The following TRIM23 variants were observed in gnomAD, a reference collection of about 807,000 sequenced individuals.
TRIM23 encodes the protein E3 ubiquitin-protein ligase TRIM23.
TRIM23 carries 27 observed loss-of-function variants against 71.0 expected under a neutral mutation model. The ratio of observed to expected loss-of-function variants is 0.38; its 90% CI spans 0.28 to 0.52. TRIM23 has a LOEUF of 0.52. Ranked by LOEUF, TRIM23 falls within the 20% of genes least tolerant of loss-of-function variation. The pLI is 0.84. For synonymous variants in TRIM23, 234 were observed against 238.0 expected (o/e 0.98, Z 0.16); for missense variants, 482 against 692.3 (o/e 0.70, Z 3.41).
rs33945461 is a variant in TRIM23, at chr5:65,597,112, T to G, written c.1248A>C (p.Gly416=). 46,869 of 1,614,084 alleles carry G rather than the reference T, an allele frequency of 0.029. 1,363 individuals are homozygous for G. The highest frequency in any genetic ancestry group is 0.1 in the African/African-American group (7,641 of 75,028). ...TTAACTTAAACAAGATAGTAGTTTT[T>G]CCAGCACCATCCAATCCTAACGTAA... ...RVVTLGLDGA[G]KTTILFKLKQ... is the part of the protein sequence containing the mutation. The change falls in exon 8 of 11, where the codon GGA becomes GGC. Residue 416 remains glycine (G), a synonymous_variant. Coordinates refer to ENST00000231524, the MANE Select transcript of TRIM23 (RefSeq NM_001656.4).
intron 6 of TRIM23, chr5:65,607,098 G>A (rs1754529071): frequency 1.3e-5 from 2 of 152,166 alleles, no homozygotes; most frequent in Admixed American, 6.5e-5. Context: ...ATTAAATTAT[G>A]TTCTCAGAAG....
Position 65,591,925 on chromosome 5 carries a change from T to C in TRIM23, c.1569A>G (p.Val523=), listed in dbSNP as rs371275204. The C allele has an allele frequency of 2.5e-5, 41 of 1,613,588 alleles. 1 individual carries two copies. The Admixed American group carries it at 4.0e-4, about 16-fold the overall frequency. ...NKQDVAGALS[V]EEITELLSLH... is the part of the protein sequence containing the mutation. ...GACTGAGTAGTTCAGTGATTTCTTC[T>C]ACTGACAGTGCTCCAGCAACATCCT... Residue 523 remains valine, a synonymous_variant, in exon 11 of 11, where the codon GTA becomes GTG. Transcript: ENST00000231524.
chr5:65,624,122 G>T, intron 1 of TRIM23, 72 bp downstream of exon 1: 1 of 1,590,786 alleles, frequency 6.3e-7, no homozygotes, highest in African/African-American at 1.3e-5. Context: ...GGGCCGCGGC[G>T]ATGCCGCCAG....
chr5:65,593,928 T>C (rs1291096233), intron 10 of TRIM23, among the ~76,000 whole-genome samples: 1 of 152,204 alleles, frequency 6.6e-6, no homozygotes, highest in African/African-American at 2.4e-5. Flanking sequence ...TATGATCTTA[T>C]TACCCACTAA....
intron 3 of TRIM23, chr5:65,613,843 A>G: frequency 7.2e-7 from 1 of 1,384,578 alleles, no homozygotes; most frequent in South Asian, 1.2e-5. Context: ...TTTTCACTTT[A>G]TTCTTGGTAG....
In TRIM23 at chr5:65,611,770, A is replaced by C; in HGVS notation, c.478T>G (p.Leu160Val). 6.2e-7 allele frequency: 1 copy of C among 1,614,188 alleles called. No individual in the cohort carries two copies. The highest frequency in any genetic ancestry group is 8.5e-7 in the Non-Finnish European group (1 of 1,180,032). Residue 160 changes from leucine to valine, a missense_variant, in exon 4 of 11, where the codon TTA (leucine) becomes GTA (valine). Physicochemically the swap from Leu to Val is conservative, Grantham distance 32 (BLOSUM62 1). Transcript: ENST00000231524. ...CSQVTHSTKT[L>V]AKHRRVPLAD... ...AGAGGAACTCGCCTGTGCTTTGCTA[A>C]TGTCTTTGTAGAATGAGTAACTTGA...
At chr5:65,598,736 G>A (rs1243029507) in intron 7 of TRIM23, among the ~76,000 whole-genome samples, 33 of 122,910 alleles carry the variant, frequency 2.7e-4, no homozygotes, top group African/African-American at 8.8e-4. Context: ...CAACAAGAGC[G>A]AAACTCCGCC....
rs905944240 is a variant in TRIM23 at position 65,591,223 on chromosome 5, G to A, written c.*546C>T. The A allele has an allele frequency of 2.4e-4, 293 of 1,238,136 alleles. 1 individual carries two copies. The Admixed American group carries it at 2.8e-3, about 12-fold the overall frequency. 76.7% of individuals were successfully genotyped at this position (1,238,136 alleles called of 1,614,324 possible). A position where few individuals can be genotyped will look rare whatever the true frequency, so the allele number is the denominator to read the frequency against. The stretch of plus-strand genomic sequence containing the variant: ...CCTTATAGTTCTTAGCATTAAAGGT[G>A]TTCTGTTAACTCTGAACATAAACAT... On this transcript the variant is annotated 3_prime_UTR_variant, in exon 11 of 11. Coordinates refer to ENST00000231524, the MANE Select transcript of TRIM23 (RefSeq NM_001656.4).
Position 65,611,836 on chromosome 5 carries a change from A to ATACAGAGG in TRIM23, c.404_411dup (p.Tyr138ProfsTer26). 6.2e-7 allele frequency: 1 copy of ATACAGAGG among 1,614,106 alleles called. No homozygotes were observed. ...AAATGAGTTGCACACACAGTGCAAT[A>ATACAGAGG]TACAGAGGCAAGGTGAGCTTCATCT... On this transcript the variant is annotated frameshift_variant, in exon 4 of 11. Transcript: ENST00000231524. LOFTEE classifies it high-confidence loss of function.
At chr5:65,594,247 T>C (rs1754130312) in intron 10 of TRIM23, among the ~76,000 whole-genome samples, 1 of 152,232 alleles carries the variant, frequency 6.6e-6, no homozygotes, top group African/African-American at 2.4e-5. Flanking sequence ...CCCGTAACAC[T>C]GTGTTACTTA....
intron 10 of TRIM23, among the ~76,000 whole-genome samples, chr5:65,592,519 G>T (rs562173139): frequency 1.3e-4 from 20 of 151,938 alleles, no homozygotes; most frequent in African/African-American, 4.6e-4. Context: ...GAGCCACCAC[G>T]CCTGGCCTGC....
rs747515910 is a variant in TRIM23, at chr5:65,624,182, AAGGTCCCTCAC to A, written c.81+1_81+11del. ...GCCGATGGTGGAGAATAGAGCACGCAAGGTCCCTCACCTTCACTACAGCTGTCCCCCGGCTG... is the reference window on the plus strand; with the variant it reads ...GCCGATGGTGGAGAATAGAGCACGCACTTCACTACAGCTGTCCCCCGGCTG... On this transcript the variant is annotated splice_donor_variant and splice_donor_5th_base_variant and intron_variant, in intron 1 of 10. Transcript: ENST00000231524. LOFTEE classifies it high-confidence loss of function. 2 of 1,614,166 alleles carry A rather than the reference AAGGTCCCTCAC, an allele frequency of 1.2e-6. No individual in the cohort carries two copies. Among genetic ancestry groups the A allele is most frequent in the Non-Finnish European group, 1.7e-6 (2 of 1,180,002 alleles).
intron 7 of TRIM23, among the ~76,000 whole-genome samples, chr5:65,599,403 T>C (rs1239439882): frequency 6.6e-6 from 1 of 152,150 alleles, no homozygotes; most frequent in East Asian, 1.9e-4. Context: ...TTAAGATACT[T>C]AGGAATAAAC....
chr5:65,614,221 T>G lies in TRIM23; in HGVS notation c.245-2A>C. 6.2e-7 allele frequency: 1 copy of G among 1,611,916 alleles called. No individual in the cohort carries two copies. Among genetic ancestry groups the G allele is most frequent in the Non-Finnish European group, 8.5e-7 (1 of 1,178,492 alleles). ...TCAATCCCCAGACACCTGAATCACCTAGAATAAATATAAAAACAAAAACTA... is the reference window on the plus strand; with the variant it reads ...TCAATCCCCAGACACCTGAATCACCGAGAATAAATATAAAAACAAAAACTA... On this transcript the variant is annotated splice_acceptor_variant, in intron 2 of 10. Transcript: ENST00000231524. LOFTEE classifies it high-confidence loss of function.
chr5:65,594,762 T>G, intron 9 of TRIM23, 117 bp from the exon 10 acceptor site: 1 of 975,738 alleles, frequency 1.0e-6, no homozygotes, highest in Non-Finnish European at 1.4e-6. Flanking sequence ...ACCATCATTA[T>G]TTTCACACAG....
intron 5 of TRIM23, 150 bp from the exon 6 acceptor site, chr5:65,609,608 T>A: frequency 1.3e-6 from 1 of 762,322 alleles, no homozygotes; most frequent in Non-Finnish European, 2.1e-6. Flanking sequence ...CATGTGCCTG[T>A]AGTCCCAGCT....
rs1753986922 is a variant in TRIM23, at chr5:65,590,447, G to A, written c.*1322C>T. 12 of 1,295,554 alleles carry A rather than the reference G, an allele frequency of 9.3e-6. No individual in the cohort carries two copies. The highest frequency in any genetic ancestry group is 3.6e-5 in the Admixed American group (1 of 27,678). 80.3% of individuals were successfully genotyped at this position (1,295,554 alleles called of 1,614,324 possible). ...TTTGAAAAGAATGAACCACAACAGT[G>A]CTACCAAAAAGTCACATCTTGTTAC... On this transcript the variant is annotated 3_prime_UTR_variant, in exon 11 of 11. Coordinates refer to ENST00000231524, the MANE Select transcript of TRIM23 (RefSeq NM_001656.4).
rs762658284 is a variant in TRIM23, at chr5:65,596,429, T to C, written c.1412A>G (p.Asn471Ser). 1.2e-5 allele frequency: 19 copies of C among 1,587,786 alleles called. No homozygotes were observed. Among genetic ancestry groups the C allele is most frequent in the Non-Finnish European group, 1.4e-5 (16 of 1,157,816 alleles). Reference protein sequence around the residue: ...LRPLWKHYYLNTQAVVFVVDS... With the variant: ...LRPLWKHYYLSTQAVVFVVDS... ...TCATTTTTAACTCTCACCTTGAGTA[T>C]TGAGGTAATAATGTTTCCACAATGG... Residue 471 changes from asparagine (N) to serine (S), a missense_variant, in exon 9 of 11, where the codon AAT becomes AGT. Physicochemically the swap from Asn to Ser is conservative, Grantham distance 46 (BLOSUM62 1). This residue lies in a region of TRIM23 where 307 missense variants were observed against 495.8 expected (regional missense o/e 0.62). Transcript: ENST00000231524.
Position 65,590,210 on chromosome 5 carries a change from C to A in TRIM23, c.*1559G>T. The A allele has an allele frequency of 2.3e-6, 2 of 873,750 alleles. No homozygotes were observed. The highest frequency in any genetic ancestry group is 2.5e-5 in the Admixed American group (1 of 39,740). The allele number at this position is 873,750 out of a possible 1,614,324, so 54.1% of individuals were successfully genotyped here. On this transcript the variant is annotated 3_prime_UTR_variant, in exon 11 of 11. Transcript: ENST00000231524. ...GCAATACAACACCTTTTTTATTTTT[C>A]ACAGTTATTGAAATCAGTCAAATAT...
Sources: gnomAD v4.1 joint callset for allele counts (sites outside exome capture counted in the v4.1 genomes callset) on GRCh38, gnomAD v4.1.1 for gene constraint, gnomAD v4.1.1 regional missense constraint, MANE v1.5 for transcripts, NCBI Gene and HGNC (gene_info 2026-07-23, HGNC 2026-07-21) for gene names.